Variants in MET observed in about 807,000 individuals in gnomAD.
MET encodes MET proto-oncogene, receptor tyrosine kinase.
A neutral mutation model predicts 133.1 loss-of-function variants in MET; 48 were observed. The ratio of observed to expected loss-of-function variants is 0.36; its 90% CI spans 0.29 to 0.46. The LOEUF is 0.46. Among genes scored for constraint, MET ranks in the 20% least tolerant of loss-of-function variants. MET has a pLI of 1.00. For missense variants in MET, 1,442 were observed against 1,695.9 expected (o/e 0.85, Z 2.63); for synonymous variants, 628 against 616.5 (o/e 1.02, Z -0.28).
At chr7:116,734,675 C>T (rs1793145854) in intron 3 of MET, among the ~76,000 whole-genome samples, 1 of 152,162 alleles carries the variant, frequency 6.6e-6, no homozygotes, top group Admixed American at 6.5e-5. Flanking sequence ...TGCATGATCA[C>T]TCTCTTGGGA....
In MET at chr7:116,695,682, C is replaced by A. The variant is rs570324539; in HGVS notation, c.-14-3389C>A. The A allele has an allele frequency of 2.4e-4, 100 of 420,568 alleles. 1 individual carries two copies. Among genetic ancestry groups the A allele is most frequent in the South Asian group, 1.2e-3 (67 of 54,528 alleles). The allele number at this position is 420,568 out of a possible 1,614,324, so 26.1% of individuals were successfully genotyped here. A position where few individuals can be genotyped will look rare whatever the true frequency, so the allele number is the denominator to read the frequency against. On this transcript the variant is annotated intron_variant, in intron 1 of 20. Transcript: ENST00000397752. ...CCAGACGTGGAATTGAATCTTGGTTCTAACTGTGTGATTTTAGCAAGTTTG... is the reference window on the plus strand; with the variant it reads ...CCAGACGTGGAATTGAATCTTGGTTATAACTGTGTGATTTTAGCAAGTTTG...
At chr7:116,682,651 C>A (rs2116485593) in intron 1 of MET, among the ~76,000 whole-genome samples, 1 of 152,322 alleles carries the variant, frequency 6.6e-6, no homozygotes, top group Non-Finnish European at 1.5e-5. Context: ...TGAGAATGGA[C>A]ATTGTGCATT....
intron 11 of MET, 101 bp from the exon 12 acceptor site, chr7:116,769,544 C>T: frequency 2.1e-6 from 3 of 1,438,292 alleles, no homozygotes; most frequent in South Asian, 1.2e-5. Context: ...TGGCAAACAA[C>T]ATGGCCTGTG....
chr7:116,735,268 T>A (rs368501036), intron 3 of MET, among the ~76,000 whole-genome samples: 1 of 152,274 alleles, frequency 6.6e-6, no homozygotes, highest in South Asian at 2.1e-4. Flanking sequence ...CACTCATCAC[T>A]CCTGTTCTCT....
At chr7:116,763,463 T>C (rs1043210829) in intron 11 of MET, 195 bp downstream of exon 11, 36 of 606,834 alleles carry the variant, frequency 5.9e-5, no homozygotes, top group Non-Finnish European at 8.7e-5. Context: ...TAATGAAGCA[T>C]TAAAAAACCC....
chr7:116,783,343 T>G lies in MET; in HGVS notation c.3672T>G (p.Gly1224=). ...EKFTVKVADF[G]LARDMYDKEY... is the part of the protein sequence containing the mutation. ...TCACAGTCAAGGTTGCTGATTTTGGTCTTGCCAGAGACATGTATGATAAAG... is the reference window on the plus strand; with the variant it reads ...TCACAGTCAAGGTTGCTGATTTTGGGCTTGCCAGAGACATGTATGATAAAG... The change falls in exon 19 of 21, where the codon GGT becomes GGG. Residue 1224 remains glycine (G), a synonymous_variant. Transcript: ENST00000397752. 1 of 1,614,152 alleles carries G rather than the reference T, an allele frequency of 6.2e-7. No individual in the cohort carries two copies. The highest frequency in any genetic ancestry group is 8.5e-7 in the Non-Finnish European group (1 of 1,180,014).
chr7:116,748,175 C>T (rs181920009), intron 5 of MET, among the ~76,000 whole-genome samples: 123 of 152,262 alleles, frequency 8.1e-4, no homozygotes, highest in African/African-American at 2.3e-3. Context: ...ACCCAGGAGG[C>T]GGAGCTTGTA....
chr7:116,706,149 G>T (rs1028065950), intron 2 of MET, among the ~76,000 whole-genome samples: 1 of 152,094 alleles, frequency 6.6e-6, no homozygotes, highest in African/African-American at 2.4e-5. Context: ...TTTACCCGTG[G>T]GTTATATTAA....
chr7:116,686,106 G>A (rs1047420659), intron 1 of MET, among the ~76,000 whole-genome samples: 26 of 152,078 alleles, frequency 1.7e-4, no homozygotes, highest in African/African-American at 5.8e-4. Flanking sequence ...TGATCGAGGT[G>A]AATACATTCC....
intron 5 of MET, among the ~76,000 whole-genome samples, chr7:116,743,565 G>A (rs1242221055): frequency 6.6e-6 from 1 of 152,192 alleles, no homozygotes; most frequent in Non-Finnish European, 1.5e-5. Flanking sequence ...CCATTACTGA[G>A]GCTTGAATAG....
At chr7:116,674,521 G>C (rs898698321) in intron 1 of MET, among the ~76,000 whole-genome samples, 3 of 152,012 alleles carry the variant, frequency 2.0e-5, no homozygotes, top group African/African-American at 7.2e-5. Flanking sequence ...AGTAGCATTA[G>C]TCATATTATC....
chr7:116,758,043 A>G lies in MET; in HGVS notation c.2102+269A>G, dbSNP rs532900254. ...ATTGTTATAGCTTAGGATCTTAGCT[A>G]TACTATGAGCTGTGAGAGTCTGGTC... is the stretch of plus-strand genomic sequence containing the variant. On this transcript the variant is annotated intron_variant, in intron 8 of 20. Coordinates refer to ENST00000397752, the MANE Select transcript of MET (RefSeq NM_000245.4). Among the ~76,000 whole-genome samples the G allele has an allele frequency of 9.7e-4, 147 of 152,266 alleles. 1 individual carries two copies. Among genetic ancestry groups the G allele is most frequent in the African/African-American group, 3.4e-3 (142 of 41,556 alleles).
In MET at chr7:116,759,487, A is replaced by G. The variant is rs1027607387; in HGVS notation, c.2361A>G (p.Thr787=). 1 of 1,613,022 alleles carries G rather than the reference A, an allele frequency of 6.2e-7. No homozygotes were observed. Among genetic ancestry groups the G allele is most frequent in the Non-Finnish European group, 8.5e-7 (1 of 1,179,516 alleles). Residue 787 remains threonine (T), a synonymous_variant, in exon 10 of 21, where the codon ACA becomes ACG. Transcript: ENST00000397752. ...TGCATGAAGCAGGAAGGAACTTTAC[A>G]GTGGTAAGTCCTTTGAGCAATGGTT... The part of the protein sequence containing the change: ...INVHEAGRNF[T]VACQHRSNSE...
chr7:116,741,043 C>A lies in MET; in HGVS notation c.1701+18C>A, dbSNP rs2116838673. The A allele has an allele frequency of 6.2e-7, 1 of 1,608,534 alleles. No individual in the cohort carries two copies. Among genetic ancestry groups the A allele is most frequent in the Non-Finnish European group, 8.5e-7 (1 of 1,177,814 alleles). On this transcript the variant is annotated intron_variant, in intron 5 of 20. Coordinates refer to ENST00000397752, the MANE Select transcript of MET (RefSeq NM_000245.4). ...TCTACAAGGTAGGAATCTCTAACAGCTGGCATACATGTTTTTGTTTGGTGT... is the reference window on the plus strand; with the variant it reads ...TCTACAAGGTAGGAATCTCTAACAGATGGCATACATGTTTTTGTTTGGTGT...
intron 5 of MET, among the ~76,000 whole-genome samples, chr7:116,755,000 G>GAAAGAAAGA (rs1554394801): frequency 2.0e-5 from 3 of 147,508 alleles, no homozygotes; most frequent in Non-Finnish European, 3.0e-5. Context: ...AAGAAAGAAA[G>GAAAGAAAGA]AAAGAAAGAA....
At chr7:116,691,513 TA>T (rs1796778058) in intron 1 of MET, among the ~76,000 whole-genome samples, 2 of 152,206 alleles carry the variant, frequency 1.3e-5, no homozygotes, top group Non-Finnish European at 2.9e-5. Context: ...GAATCATTTT[TA>T]AACTTATTTA....
chr7:116,794,592 C>T (rs1224003582), intron 19 of MET, among the ~76,000 whole-genome samples: 3 of 152,212 alleles, frequency 2.0e-5, no homozygotes, highest in Admixed American at 1.3e-4. Flanking sequence ...CTCCTTCTTG[C>T]TGGGTACTGC....
chr7:116,684,496 C>T (rs1352860038), intron 1 of MET, among the ~76,000 whole-genome samples: 3 of 152,214 alleles, frequency 2.0e-5, no homozygotes, highest in African/African-American at 7.2e-5. Flanking sequence ...TGTTTGAGCA[C>T]ATAGGAGAGT....
intron 2 of MET, among the ~76,000 whole-genome samples, chr7:116,721,034 T>G (rs1456662778): frequency 6.6e-6 from 1 of 152,024 alleles, no homozygotes; most frequent in Non-Finnish European, 1.5e-5. Context: ...TCTTTTTCTA[T>G]TGATTGGAAT....
Sources: allele counts gnomAD v4.1 joint callset (sites outside exome capture counted in the v4.1 genomes callset), GRCh38; gene constraint gnomAD v4.1.1; transcripts MANE v1.5; gene names NCBI Gene and HGNC (gene_info 2026-07-23, HGNC 2026-07-21).